Variants in TRPC5 observed in about 807,000 individuals in gnomAD.
TRPC5 encodes transient receptor potential cation channel subfamily C member 5, also known as short transient receptor potential channel 5.
Under a neutral mutation model 56.5 loss-of-function variants are expected in TRPC5, and 9 were observed. That is an observed-to-expected ratio of 0.16 (90% CI 0.10 to 0.28). The LOEUF (loss-of-function observed/expected upper bound fraction) is 0.28, where lower values mean the gene tolerates loss of function less well. Ranked by LOEUF, TRPC5 falls within the 10% of genes least tolerant of loss-of-function variation. The pLI is 1.00. For synonymous variants in TRPC5, 282 were observed against 278.5 expected, an observed-to-expected ratio of 1.01 and a Z score of -0.13; for missense variants, 469 against 748.9, an observed-to-expected ratio of 0.63 and a Z score of 4.36.
chrX:111,784,636 G>T (rs1198484444), intron 7 of TRPC5, among the ~76,000 whole-genome samples: 1 of 112,424 alleles, frequency 8.9e-6, no homozygotes, highest in Middle Eastern at 4.6e-3. Context: ...CACCCAGGAA[G>T]CACAAGGGGT....
intron 6 of TRPC5, among the ~76,000 whole-genome samples, chrX:111,842,107 A>ATATATATATATTTTATATATATATG (rs1362214942): frequency 3.4e-4 from 31 of 90,094 alleles, no homozygotes; most frequent in East Asian, 6.0e-4. Flanking sequence ...GTATGTGTGT[A>ATATATATATATTTTATATATATATG]TATATATATA....
At chrX:111,992,149 C>T (rs1928371741) in intron 1 of TRPC5, among the ~76,000 whole-genome samples, 1 of 111,912 alleles carries the variant, frequency 8.9e-6, no homozygotes, top group Non-Finnish European at 1.9e-5. Flanking sequence ...AAGTTACTAC[C>T]TTGCACATTC....
At chrX:112,043,711 C>G (rs1929955978) in intron 1 of TRPC5, among the ~76,000 whole-genome samples, 1 of 109,174 alleles carries the variant, frequency 9.2e-6, no homozygotes, top group Non-Finnish European at 1.9e-5. Flanking sequence ...CCTACTATTT[C>G]CTCATTCTTT....
At chrX:111,885,529 C>T (rs1924440169) in intron 3 of TRPC5, among the ~76,000 whole-genome samples, 3 of 108,827 alleles carry the variant, frequency 2.8e-5, no homozygotes, top group Admixed American at 2.0e-4. Context: ...TGGTTGGCCA[C>T]TCTAATCAAA....
intron 3 of TRPC5, among the ~76,000 whole-genome samples, chrX:111,867,230 C>T (rs1365978002): frequency 8.9e-6 from 1 of 111,861 alleles, no homozygotes; most frequent in African/African-American, 3.3e-5. Context: ...GAAAAGCCCA[C>T]ACCCCTTTGA....
intron 3 of TRPC5, among the ~76,000 whole-genome samples, chrX:111,910,747 G>A (rs1355802989): frequency 6.3e-5 from 7 of 111,868 alleles, no homozygotes. Context: ...GGCCAGGCTG[G>A]TCTCGAACTC....
At chrX:111,800,910 T>C (rs1237415285) in intron 7 of TRPC5, among the ~76,000 whole-genome samples, 1 of 111,310 alleles carries the variant, frequency 9.0e-6, no homozygotes, top group Non-Finnish European at 1.9e-5. Flanking sequence ...ACATGAAGGA[T>C]CAGCACCCCT....
At chrX:111,940,705 AAAAAG>A (rs1926753374) in intron 2 of TRPC5, among the ~76,000 whole-genome samples, 1 of 109,905 alleles carries the variant, frequency 9.1e-6, no homozygotes, top group African/African-American at 3.3e-5. Flanking sequence ...AAAAAAAAAA[AAAAAG>A]AATAAACTAC....
chrX:112,021,188 T>C (rs1244085521), intron 1 of TRPC5, among the ~76,000 whole-genome samples: 2 of 111,053 alleles, frequency 1.8e-5, no homozygotes, highest in African/African-American at 6.6e-5. Flanking sequence ...TAGCTTTTTC[T>C]CTTTTTTTTC....
At chrX:111,835,584 C>T (rs1350502706) in intron 6 of TRPC5, among the ~76,000 whole-genome samples, 2 of 111,325 alleles carry the variant, frequency 1.8e-5, no homozygotes, top group African/African-American at 6.5e-5. Context: ...GTCAGGAGAT[C>T]GAGACCATCC....
Position 111,854,093 on chromosome X carries a change from G to C in TRPC5, c.914C>G (p.Pro305Arg). 8.3e-7 allele frequency: 1 copy of C among 1,207,202 alleles called. No individual in the cohort carries two copies. The change falls in exon 4 of 11, where the codon CCC becomes CGC. Residue 305 changes from proline (P) to arginine (R), a missense_variant. Around this residue, in one of 3 missense-constraint regions of TRPC5, gnomAD observed 157 missense variants for 360.0 expected, o/e 0.44. Transcript: ENST00000262839. ...KYHQKEFVAQ[P>R]NCQQLLATLW... The stretch of plus-strand genomic sequence containing the variant: ...GGTGGCAAGCAACTGTTGGCAGTTG[G>C]GCTGAGCAACAAACTGGGAAAAGAA...
At chrX:112,005,756 A>T (rs1928824852) in intron 1 of TRPC5, among the ~76,000 whole-genome samples, 1 of 111,675 alleles carries the variant, frequency 9.0e-6, no homozygotes, top group Non-Finnish European at 1.9e-5. Context: ...GTCTTTATAT[A>T]GGGTGAGCCA....
intron 1 of TRPC5, among the ~76,000 whole-genome samples, chrX:112,012,557 T>C (rs1433142488): frequency 9.0e-6 from 1 of 110,586 alleles, no homozygotes; most frequent in African/African-American, 3.3e-5. Flanking sequence ...TGTAGTCCAT[T>C]GTTCTACTTA....
chrX:111,991,723 A>T (rs901900478), intron 1 of TRPC5, among the ~76,000 whole-genome samples: 3 of 112,168 alleles, frequency 2.7e-5, no homozygotes, highest in African/African-American at 9.7e-5. Context: ...AGGTTTTTTT[A>T]AAAAAATGAA....
intron 2 of TRPC5, among the ~76,000 whole-genome samples, chrX:111,934,678 G>A (rs79653694): frequency 3.6e-5 from 4 of 110,832 alleles, no homozygotes; most frequent in South Asian, 3.9e-4. Context: ...GAATTCAATC[G>A]TTTCAACTTT....
chrX:112,055,280 T>C (rs1291354275), intron 1 of TRPC5, among the ~76,000 whole-genome samples: 1 of 112,219 alleles, frequency 8.9e-6, no homozygotes, highest in African/African-American at 3.2e-5. Flanking sequence ...TAGAAGGTTC[T>C]ACTCATAGGA....
chrX:111,920,137 T>C (rs1926087422), intron 2 of TRPC5, among the ~76,000 whole-genome samples: 1 of 110,939 alleles, frequency 9.0e-6, no homozygotes, highest in Admixed American at 9.6e-5. Context: ...TAGCTGGACA[T>C]GGTGGTGCGC....
At chrX:111,789,412 A>T (rs1395617349) in intron 7 of TRPC5, among the ~76,000 whole-genome samples, 1 of 112,307 alleles carries the variant, frequency 8.9e-6, no homozygotes, top group Non-Finnish European at 1.9e-5. Context: ...ACAAACATTA[A>T]TTCAAGATGG....
intron 1 of TRPC5, among the ~76,000 whole-genome samples, chrX:112,003,569 G>A (rs1928755666): frequency 9.1e-6 from 1 of 110,306 alleles, no homozygotes; most frequent in Non-Finnish European, 1.9e-5. Context: ...TTCCATAGGG[G>A]TGGGGAGTGC....
Sources: allele counts gnomAD v4.1 joint callset (sites outside exome capture counted in the v4.1 genomes callset), GRCh38; gene constraint gnomAD v4.1.1; regional missense constraint gnomAD v4.1.1; transcripts MANE v1.5; gene names NCBI Gene and HGNC (gene_info 2026-07-23, HGNC 2026-07-21).